The following HELZ variants were observed in gnomAD, a reference collection of about 807,000 sequenced individuals.
The protein encoded by HELZ is ATP-dependent RNA helicase with zinc finger domain.
A neutral mutation model predicts 218.2 loss-of-function variants in HELZ; 23 were observed. The observed-to-expected ratio is 0.11, with a 90% CI of 0.08 to 0.15. The LOEUF is 0.15. HELZ is among the 10% of genes least tolerant of loss of function. The probability of loss-of-function intolerance (pLI) is 1.00; values close to 1 mark genes in which losing one functional copy is unlikely to be tolerated. For synonymous variants in HELZ, 814 were observed against 829.4 expected, an observed-to-expected ratio of 0.98 and a Z score of 0.32; for missense variants, 1,813 against 2,353.7, an observed-to-expected ratio of 0.77 and a Z score of 4.75.
At position 67,122,872 on chromosome 17, in the gene HELZ, T is replaced by A. The variant is rs191710859; in HGVS notation, c.3630+98A>T. The A allele has an allele frequency of 1.1e-3, 931 of 877,538 alleles. 6 individuals carry two copies. The African/African-American group carries it at 0.013, about 12-fold the overall frequency. The allele number at this position is 877,538 out of a possible 1,614,324, so 54.4% of individuals were successfully genotyped here. On this transcript the variant is annotated intron_variant, in intron 26 of 32. Coordinates refer to ENST00000358691, the MANE Select transcript of HELZ (RefSeq NM_014877.4). ...GATTATCAGCACTGAAAATTTTTTTTAAAAAAGAAGTTGGTAGAATGCTAT... is the reference window on the plus strand; with the variant it reads ...GATTATCAGCACTGAAAATTTTTTTAAAAAAAGAAGTTGGTAGAATGCTAT...
intron 13 of HELZ, among the ~76,000 whole-genome samples, chr17:67,174,150 A>G (rs1213289568): frequency 1.1e-4 from 16 of 152,066 alleles, no homozygotes; most frequent in Admixed American, 1.0e-3. Context: ...TCTCACACTA[A>G]AACAACCTAA....
At chr17:67,199,461 C>T (rs1448074301) in intron 7 of HELZ, among the ~76,000 whole-genome samples, 3 of 152,112 alleles carry the variant, frequency 2.0e-5, no homozygotes, top group African/African-American at 7.2e-5. Flanking sequence ...GATCTGCCCG[C>T]CTTGGCCTCC....
chr17:67,238,756 TG>T (rs1455670234), intron 3 of HELZ, among the ~76,000 whole-genome samples: 1 of 152,232 alleles, frequency 6.6e-6, no homozygotes, highest in Admixed American at 6.5e-5. Context: ...AATTTATTTC[TG>T]TAGTATTACC....
At chr17:67,214,532 C>T (rs1277969576) in intron 5 of HELZ, among the ~76,000 whole-genome samples, 2 of 151,706 alleles carry the variant, frequency 1.3e-5, no homozygotes, top group Non-Finnish European at 2.9e-5. Flanking sequence ...TCCCCAAGTG[C>T]TGGGATTACA....
intron 21 of HELZ, among the ~76,000 whole-genome samples, chr17:67,141,052 G>T (rs1413985160): frequency 6.6e-6 from 1 of 152,142 alleles, no homozygotes; most frequent in South Asian, 2.1e-4. Context: ...CTCACTTGCA[G>T]ACTCCCCTTA....
chr17:67,228,656 G>A (rs1191390439), intron 3 of HELZ, among the ~76,000 whole-genome samples: 1 of 146,988 alleles, frequency 6.8e-6, no homozygotes, highest in Non-Finnish European at 1.5e-5. Context: ...AGGAGACTTT[G>A]TCTCAAAAAA....
At chr17:67,217,656 T>G (rs1322491497) in intron 4 of HELZ, among the ~76,000 whole-genome samples, 4 of 152,128 alleles carry the variant, frequency 2.6e-5, no homozygotes, top group African/African-American at 9.7e-5. Context: ...CACTAACTCC[T>G]AGCTGCTACT....
At chr17:67,195,852 C>CTTTTTTTTTTTTTTTTTTT (rs1238942016) in intron 7 of HELZ, among the ~76,000 whole-genome samples, 4 of 84,852 alleles carry the variant, frequency 4.7e-5, no homozygotes, top group Non-Finnish European at 9.4e-5. Context: ...TTTTTTTTTT[C>CTTTTTTTTTTTTTTTTTTT]TTTTTTTTTT....
chr17:67,099,104 T>TC (rs2036841828), intron 31 of HELZ, among the ~76,000 whole-genome samples: 1 of 152,194 alleles, frequency 6.6e-6, no homozygotes, highest in South Asian at 2.1e-4. Context: ...AAACATACTT[T>TC]CCTTCCTTTC....
chr17:67,110,424 A>G (rs1192444235), intron 28 of HELZ, among the ~76,000 whole-genome samples: 2 of 152,204 alleles, frequency 1.3e-5, no homozygotes, highest in African/African-American at 4.8e-5. Flanking sequence ...CTATGTTAAT[A>G]AAAAGATGTA....
intron 31 of HELZ, among the ~76,000 whole-genome samples, chr17:67,087,837 T>C (rs558467625): frequency 6.6e-6 from 1 of 152,248 alleles, no homozygotes; most frequent in African/African-American, 2.4e-5. Context: ...GATTTTTTTA[T>C]AGTTACCCAA....
chr17:67,123,904 T>C (rs1463210222), intron 25 of HELZ, 59 bp downstream of exon 25: 3 of 1,204,568 alleles, frequency 2.5e-6, no homozygotes, highest in East Asian at 2.3e-5. Context: ...GTGGTGAAAT[T>C]TGGGGAAAAT....
At chr17:67,128,559 C>T in intron 24 of HELZ, 92 bp downstream of exon 24, 1 of 1,131,726 alleles carries the variant, frequency 8.8e-7, no homozygotes, top group East Asian at 2.4e-5. Flanking sequence ...TCAATTCCAA[C>T]ACTTAAAGTA....
intron 32 of HELZ, among the ~76,000 whole-genome samples, chr17:67,085,370 C>T (rs926110010): frequency 2.0e-5 from 3 of 151,962 alleles, no homozygotes; most frequent in East Asian, 3.9e-4. Flanking sequence ...TGCAGTGAGC[C>T]GAGATTGCAC....
At chr17:67,189,052 C>A (rs1426749827) in intron 11 of HELZ, among the ~76,000 whole-genome samples, 1 of 152,052 alleles carries the variant, frequency 6.6e-6, no homozygotes, top group Non-Finnish European at 1.5e-5. Context: ...AGAAGAAATG[C>A]CACAAAAAAG....
chr17:67,211,824 G>A (rs2040458291), intron 5 of HELZ, among the ~76,000 whole-genome samples: 1 of 152,096 alleles, frequency 6.6e-6, no homozygotes, highest in Non-Finnish European at 1.5e-5. Flanking sequence ...TTACGCCACT[G>A]CACTCCAGCC....
chr17:67,245,520 G>C, upstream of HELZ: 1 of 985,248 alleles, frequency 1.0e-6, no homozygotes, highest in Non-Finnish European at 1.2e-6. Context: ...ATCAACCCGA[G>C]GTTTCCTTGC....
At chr17:67,130,596 T>C (rs908853154) in intron 23 of HELZ, among the ~76,000 whole-genome samples, 2 of 152,180 alleles carry the variant, frequency 1.3e-5, no homozygotes, top group African/African-American at 4.8e-5. Flanking sequence ...GAAGGAATTG[T>C]GCTTTTTTTC....
rs1281683637 is a variant in HELZ, at chr17:67,128,693, C to T, written c.3345G>A (p.Gln1115=). The T allele has an allele frequency of 6.2e-7, 1 of 1,614,144 alleles. No homozygotes were observed. Among genetic ancestry groups the T allele is most frequent in the East Asian group, 2.2e-5 (1 of 44,874 alleles). ...PEFIPRALRL[Q]HSGSTNKQQQ... ...GCTGTTTGTTGGTACTTCCTGAATG[C>T]TGCAGTCTTAGAGCCCGGGGGATAA... The change falls in exon 24 of 33, where the codon CAG becomes CAA. Residue 1115 remains glutamine (Q), a synonymous_variant. Transcript: ENST00000358691.
Sources: gnomAD v4.1 joint callset for allele counts (sites outside exome capture counted in the v4.1 genomes callset) on GRCh38, gnomAD v4.1.1 for gene constraint, MANE v1.5 for transcripts, NCBI Gene and HGNC (gene_info 2026-07-23, HGNC 2026-07-21) for gene names.